SUGP1: variants seen among roughly 807,000 people sequenced by gnomAD.
The protein encoded by SUGP1 is SURP and G-patch domain containing 1.
In SUGP1, 34 loss-of-function variants were observed where a neutral mutation model predicts 76.5. The ratio of observed to expected loss-of-function variants is 0.44; its 90% confidence interval spans 0.34 to 0.59. The LOEUF (loss-of-function observed/expected upper bound fraction) is 0.59, where lower values mean the gene tolerates loss of function less well. Ranked by LOEUF, SUGP1 falls within the 20% of genes least tolerant of loss-of-function variation. SUGP1 has a pLI of 0.01. For missense variants in SUGP1, 752 were observed against 851.7 expected, an observed-to-expected ratio of 0.88 and a Z score of 1.46; for synonymous variants, 326 against 326.2, an observed-to-expected ratio of 1.00 and a Z score of 0.01.
chr19:19,304,132 G>C, intron 4 of SUGP1: 1 of 1,006,290 alleles, frequency 9.9e-7, no homozygotes, highest in Non-Finnish European at 1.4e-6. Flanking sequence ...GTTTTGGTGG[G>C]GGAAATGCTT....
chr19:19,279,468 G>T, intron 9 of SUGP1, 78 bp from the exon 10 acceptor site: 1 of 1,460,180 alleles, frequency 6.8e-7, no homozygotes. Flanking sequence ...CCCGCCTCCA[G>T]TGCTGGGCAT....
At chr19:19,276,739 C>T in intron 13 of SUGP1, 65 bp from the exon 14 acceptor site, 1 of 1,610,162 alleles carries the variant, frequency 6.2e-7, no homozygotes, top group Admixed American at 1.7e-5. Flanking sequence ...TTCCTCCTGT[C>T]TGGAACCTTC....
chr19:19,310,053 G>T, intron 3 of SUGP1, 44 bp downstream of exon 3: 2 of 1,510,198 alleles, frequency 1.3e-6, no homozygotes, highest in African/African-American at 1.4e-5. Flanking sequence ...AACCCCAGGG[G>T]GAGATGCAAG....
chr19:19,296,477 T>G (rs915480222), intron 8 of SUGP1, among the ~76,000 whole-genome samples: 19 of 151,812 alleles, frequency 1.3e-4, no homozygotes, highest in African/African-American at 4.4e-4. Context: ...AAACCCCATC[T>G]CTATTAAAAA....
intron 2 of SUGP1, among the ~76,000 whole-genome samples, chr19:19,311,726 CAAAAA>C (rs55707664): frequency 3.9e-5 from 3 of 77,266 alleles, no homozygotes; most frequent in African/African-American, 4.9e-5. Context: ...GACTCTGTCT[CAAAAA>C]AAAAAAAAAA....
At chr19:19,302,495 A>C (rs2061280005) in intron 6 of SUGP1, 107 bp from the exon 7 acceptor site, 1 of 1,473,776 alleles carries the variant, frequency 6.8e-7, no homozygotes. Context: ...GAATGATGCA[A>C]AGAGAAACAG....
Position 19,280,250 on chromosome 19 carries a change from C to T in SUGP1, c.1285G>A (p.Val429Met). 1.2e-6 allele frequency: 2 copies of T among 1,614,096 alleles called. No homozygotes were observed. The highest frequency in any genetic ancestry group is 2.2e-5 in the East Asian group (1 of 44,888). Residue 429 changes from valine (V) to methionine (M), a missense_variant, in exon 9 of 14, where the codon GTG becomes ATG. Val to Met is a conservative substitution (Grantham distance 21). Coordinates refer to ENST00000247001, the MANE Select transcript of SUGP1 (RefSeq NM_172231.4). ...KGLGYEKGKPVGLVGVTELSD... is the reference protein window; with the variant it reads ...KGLGYEKGKPMGLVGVTELSD... ...AGCTCTGTGACGCCCACTAGACCCACAGGCTTCCCCTTCTCATAGCCGAGC... is the reference window on the plus strand; with the variant it reads ...AGCTCTGTGACGCCCACTAGACCCATAGGCTTCCCCTTCTCATAGCCGAGC...
Position 19,276,532 on chromosome 19 carries a change from C to T in SUGP1, c.*116G>A. On this transcript the variant is annotated 3_prime_UTR_variant, in exon 14 of 14. Coordinates refer to ENST00000247001, the MANE Select transcript of SUGP1 (RefSeq NM_172231.4). ...CATCTGTGGTGGATGAGCACTGGGA[C>T]TTTATTACACGGCACGGCACTCGTG... 1 of 1,320,798 alleles carries T rather than the reference C, an allele frequency of 7.6e-7. No individual in the cohort carries two copies. Among genetic ancestry groups the T allele is most frequent in the Non-Finnish European group, 1.1e-6 (1 of 931,154 alleles). The allele number at this position is 1,320,798 out of a possible 1,614,324, so 81.8% of individuals were successfully genotyped here.
chr19:19,305,712 C>T (rs2061311129), intron 4 of SUGP1, 137 bp downstream of exon 4: 1 of 824,990 alleles, frequency 1.2e-6, no homozygotes, highest in Non-Finnish European at 1.9e-6. Flanking sequence ...GGGCCTGAGG[C>T]TCAGCTCAGA....
chr19:19,300,486 G>A (rs1213905502), intron 7 of SUGP1, among the ~76,000 whole-genome samples: 1 of 152,204 alleles, frequency 6.6e-6, no homozygotes, highest in Admixed American at 6.5e-5. Context: ...CACATGAGGC[G>A]GCTGTTAGAT....
intron 1 of SUGP1, among the ~76,000 whole-genome samples, chr19:19,318,814 G>A (rs1229062793): frequency 6.6e-6 from 1 of 152,114 alleles, no homozygotes; most frequent in African/African-American, 2.4e-5. Flanking sequence ...AGACCAGGGA[G>A]GCTCACTGGC....
Position 19,279,403 on chromosome 19 carries a change from C to T in SUGP1, c.1351-13G>A, listed in dbSNP as rs1209795331. On this transcript the variant is annotated splice_polypyrimidine_tract_variant and intron_variant, in intron 9 of 13. Transcript: ENST00000247001. ...ACATCTGCTGCATCTGCAGGGCACACTCGCCAGTGAGCCAGGGCACGGTGC... is the reference window on the plus strand; with the variant it reads ...ACATCTGCTGCATCTGCAGGGCACATTCGCCAGTGAGCCAGGGCACGGTGC... 20 of 1,586,784 alleles carry T rather than the reference C, an allele frequency of 1.3e-5. No homozygotes were observed. The highest frequency in any genetic ancestry group is 1.6e-5 in the Non-Finnish European group (19 of 1,169,700).
chr19:19,310,409 T>A (rs16996031), intron 2 of SUGP1, among the ~76,000 whole-genome samples: 5,127 of 152,276 alleles, frequency 0.034, 308 homozygotes, highest in African/African-American at 0.12. Flanking sequence ...TACGGTAAGC[T>A]GGGAACAATC....
intron 9 of SUGP1, 54 bp from the exon 10 acceptor site, chr19:19,279,444 C>A: frequency 6.6e-7 from 1 of 1,511,422 alleles, no homozygotes; most frequent in South Asian, 1.2e-5. Flanking sequence ...CCTGCCGGAG[C>A]CCCGCTCCTG....
At chr19:19,306,108 G>A (rs772165194) in intron 3 of SUGP1, 32 bp from the exon 4 acceptor site, 4 of 1,501,268 alleles carry the variant, frequency 2.7e-6, no homozygotes, top group Non-Finnish European at 3.6e-6. Context: ...GCGCACTCGG[G>A]ATCTGCAGGG....
At chr19:19,294,807 A>T (rs1214318596) in intron 8 of SUGP1, among the ~76,000 whole-genome samples, 4 of 152,122 alleles carry the variant, frequency 2.6e-5, no homozygotes, top group African/African-American at 9.7e-5. Flanking sequence ...AAAAAAAAAA[A>T]ACTGATACTT....
In SUGP1 at chr19:19,310,100, T is replaced by C. The variant is rs567819859; in HGVS notation, c.307A>G (p.Thr103Ala). The change falls in exon 3 of 14, where the codon ACA becomes GCA. Residue 103 changes from threonine (T) to alanine (A), a missense_variant. Thr to Ala is a moderately conservative substitution (Grantham distance 58). Transcript: ENST00000247001. ...GAAAGGGGAGGCCTACACTCACCTG[T>C]GCTGGTCTGTGCCTTCTGCAACTTC... The part of the protein sequence containing the change: ...FLKLQKAQTS[T>A]DAPTSAPSAP... 1.9e-6 allele frequency: 3 copies of C among 1,613,064 alleles called. No individual in the cohort carries two copies. The South Asian group carries it at 3.3e-5, about 18-fold the overall frequency.
chr19:19,320,309 G>A (rs1301544139), intron 1 of SUGP1, among the ~76,000 whole-genome samples, 154 bp downstream of exon 1: 1 of 152,204 alleles, frequency 6.6e-6, no homozygotes, highest in Non-Finnish European at 1.5e-5. Context: ...CTGGGGTCTC[G>A]AGAAACCAAG....
At chr19:19,309,595 A>T (rs1239018841) in intron 3 of SUGP1, among the ~76,000 whole-genome samples, 1 of 152,016 alleles carries the variant, frequency 6.6e-6, no homozygotes, top group African/African-American at 2.4e-5. Flanking sequence ...CTGGTAACAC[A>T]ATGAAACCCA....
Sources: allele counts gnomAD v4.1 joint callset (sites outside exome capture counted in the v4.1 genomes callset), GRCh38; gene constraint gnomAD v4.1.1; transcripts MANE v1.5; gene names NCBI Gene and HGNC (gene_info 2026-07-23, HGNC 2026-07-21).